GATB: variants seen among roughly 807,000 people sequenced by gnomAD.
GATB encodes glutamyl-tRNA amidotransferase subunit B.
In GATB, 39 loss-of-function variants were observed where a neutral mutation model predicts 62.3. The ratio of observed to expected loss-of-function variants is 0.63; its 90% CI spans 0.48 to 0.82. GATB has a LOEUF of 0.82. Among genes scored for constraint, GATB ranks in the 40% least tolerant of loss-of-function variants. The probability of loss-of-function intolerance (pLI) is 0.00; values close to 1 mark genes in which losing one functional copy is unlikely to be tolerated. For missense variants in GATB, 670 were observed against 684.0 expected, an observed-to-expected ratio of 0.98 and a Z score of 0.23; for synonymous variants, 276 against 258.9, an observed-to-expected ratio of 1.07 and a Z score of -0.63.
chr4:151,732,740 A>G (rs913545298), intron 2 of GATB, among the ~76,000 whole-genome samples: 5 of 151,364 alleles, frequency 3.3e-5, no homozygotes, highest in African/African-American at 9.7e-5. Flanking sequence ...AAGAATTTTT[A>G]TAATTTTAAT....
chr4:151,720,887 T>C (rs1380909136), intron 2 of GATB: 2 of 152,030 alleles, frequency 1.3e-5, no homozygotes, highest in African/African-American at 4.8e-5. Flanking sequence ...AAAAACAAAT[T>C]TCTACAACAA....
chr4:151,716,703 C>G (rs1578919362), intron 4 of GATB, among the ~76,000 whole-genome samples, 173 bp downstream of exon 4: 1 of 152,162 alleles, frequency 6.6e-6, no homozygotes, highest in East Asian at 1.9e-4. Context: ...CAGTTCAAGC[C>G]ATGTTCGCTA....
intron 8 of GATB, among the ~76,000 whole-genome samples, chr4:151,702,827 T>G (rs1372738707): frequency 6.6e-6 from 1 of 151,984 alleles, no homozygotes; most frequent in Non-Finnish European, 1.5e-5. Flanking sequence ...TCAGAAGAAG[T>G]GGTGGTTTGG....
At chr4:151,671,898 T>G (rs905221118) in intron 12 of GATB, among the ~76,000 whole-genome samples, 1 of 152,124 alleles carries the variant, frequency 6.6e-6, no homozygotes, top group Non-Finnish European at 1.5e-5. Context: ...CCACGTGACC[T>G]CCTGCTCTGC....
Position 151,738,676 on chromosome 4 carries a change from A to T in GATB, c.328-19138T>A, listed in dbSNP as rs183699881. ...CTCTGCACAGATGTAAAAATGAAAA[A>T]GAATCAGAGATAAGGTAAATAAGAT... is the stretch of plus-strand genomic sequence containing the variant. On this transcript the variant is annotated intron_variant, in intron 2 of 12. Transcript: ENST00000263985. 2.5e-4 allele frequency among the ~76,000 whole-genome samples: 38 copies of T among 152,370 alleles called. No homozygotes were observed. In the East Asian group the frequency reaches 7.3e-3, roughly 29 times the overall value.
chr4:151,697,295 C>G (rs1738488583), intron 9 of GATB, among the ~76,000 whole-genome samples: 1 of 152,106 alleles, frequency 6.6e-6, no homozygotes, highest in Non-Finnish European at 1.5e-5. Flanking sequence ...AAATATTATT[C>G]AGCTATAAAA....
At chr4:151,722,083 T>A (rs1739043724) in intron 2 of GATB, 1 of 653,908 alleles carries the variant, frequency 1.5e-6, no homozygotes, top group Admixed American at 2.5e-5. Flanking sequence ...AGAGTGTCAG[T>A]TAGAAGAATG....
Position 151,703,913 on chromosome 4 carries a change from G to T in GATB, c.963-18C>A. 1 of 1,589,900 alleles carries T rather than the reference G, an allele frequency of 6.3e-7. No individual in the cohort carries two copies. The highest frequency in any genetic ancestry group is 8.6e-7 in the Non-Finnish European group (1 of 1,158,828). On this transcript the variant is annotated intron_variant, in intron 7 of 12. Transcript: ENST00000263985. ...TGGTGCACCTGCAATAGTTAAATAAGAAAACATTAAACATTGAAAGCAGCA... is the reference window on the plus strand; with the variant it reads ...TGGTGCACCTGCAATAGTTAAATAATAAAACATTAAACATTGAAAGCAGCA...
At chr4:151,712,714 A>G (rs1396610954) in intron 5 of GATB, among the ~76,000 whole-genome samples, 1 of 152,208 alleles carries the variant, frequency 6.6e-6, no homozygotes, top group Non-Finnish European at 1.5e-5. Context: ...GTAATTCCAT[A>G]AAAGTATTAC....
chr4:151,754,679 C>T (rs1015762862), intron 2 of GATB, among the ~76,000 whole-genome samples: 1 of 151,982 alleles, frequency 6.6e-6, no homozygotes, highest in Non-Finnish European at 1.5e-5. Flanking sequence ...AGAGCCAATA[C>T]CATGTTGAAC....
At chr4:151,734,350 C>CAA (rs201480862) in intron 2 of GATB, among the ~76,000 whole-genome samples, 19 of 132,566 alleles carry the variant, frequency 1.4e-4, no homozygotes, top group African/African-American at 4.5e-4. Flanking sequence ...AAATAGCTGC[C>CAA]AAAAAAAAAA....
intron 5 of GATB, among the ~76,000 whole-genome samples, chr4:151,713,839 C>A (rs2126976067): frequency 6.6e-6 from 1 of 152,320 alleles, no homozygotes; most frequent in Admixed American, 6.5e-5. Context: ...CACACCTGGG[C>A]TCAAGTCCCA....
chr4:151,697,949 G>GTATATATATATATA (rs781688717), intron 9 of GATB, among the ~76,000 whole-genome samples: 6 of 96,974 alleles, frequency 6.2e-5, no homozygotes, highest in African/African-American at 3.9e-4. Context: ...GTGTGTGTGT[G>GTATATATATATATA]TGTGTATATA....
rs1739941273 is a variant in GATB at position 151,760,877 on chromosome 4, A to C, written c.106T>G (p.Ser36Ala). The C allele has an allele frequency of 4.3e-6, 7 of 1,613,920 alleles. No homozygotes were observed. The highest frequency in any genetic ancestry group is 5.9e-6 in the Non-Finnish European group (7 of 1,179,930). The change falls in exon 1 of 13, where the codon TCC becomes GCC. Residue 36 changes from serine to alanine, a missense_variant. Ser to Ala is a moderately conservative substitution (Grantham distance 99). Coordinates refer to ENST00000263985, the MANE Select transcript of GATB (RefSeq NM_004564.3). ...HRRGAPTGSTSNQIRGESSVA... is the reference protein window; with the variant it reads ...HRRGAPTGSTANQIRGESSVA... Reference sequence around the variant, plus strand: ...GAGCTCTCTCCCCTAATCTGGTTGGATGTGGACCCAGTCGGAGCCCCTCTT... The same window carrying C: ...GAGCTCTCTCCCCTAATCTGGTTGGCTGTGGACCCAGTCGGAGCCCCTCTT...
intron 10 of GATB, chr4:151,687,025 C>G (rs1378049061): frequency 6.6e-6 from 1 of 152,494 alleles, no homozygotes; most frequent in East Asian, 1.9e-4. Context: ...CTTCCCCTCT[C>G]AGAGCACCCC....
At chr4:151,756,468 G>A (rs1013605732) in intron 2 of GATB, among the ~76,000 whole-genome samples, 2 of 152,146 alleles carry the variant, frequency 1.3e-5, no homozygotes, top group South Asian at 2.1e-4. Context: ...TGTTGCTCAC[G>A]TACAAAATGA....
chr4:151,673,608 A>C (rs1250728862), intron 11 of GATB: 1 of 152,170 alleles, frequency 6.6e-6, no homozygotes, highest in East Asian at 1.9e-4. Context: ...AATGAACGCT[A>C]ATGTTTGGGG....
chr4:151,715,211 T>C (rs745539911), intron 5 of GATB, among the ~76,000 whole-genome samples: 15 of 152,210 alleles, frequency 9.9e-5, no homozygotes, highest in Non-Finnish European at 1.9e-4. Context: ...CAATTGTAGA[T>C]TCAGAACCTA....
At chr4:151,689,944 AG>A (rs1385895087) in intron 9 of GATB, among the ~76,000 whole-genome samples, 1 of 152,184 alleles carries the variant, frequency 6.6e-6, no homozygotes, top group African/African-American at 2.4e-5. Flanking sequence ...CTGCTCAGAA[AG>A]GGAAGGCTGA....
Sources: gnomAD v4.1 joint callset for allele counts (sites outside exome capture counted in the v4.1 genomes callset) on GRCh38, gnomAD v4.1.1 for gene constraint, MANE v1.5 for transcripts, NCBI Gene and HGNC (gene_info 2026-07-23, HGNC 2026-07-21) for gene names.